The following SRGAP2 variants were observed in gnomAD, a reference collection of about 807,000 sequenced individuals.
SRGAP2 encodes the protein SLIT-ROBO Rho GTPase activating protein 2.
A neutral mutation model predicts 57.2 loss-of-function variants in SRGAP2; 15 were observed. The ratio of observed to expected loss-of-function variants is 0.26; its 90% confidence interval spans 0.18 to 0.40. The LOEUF is 0.40. SRGAP2 is among the 10% of genes least tolerant of loss of function. The pLI is 1.00. For synonymous variants in SRGAP2, 249 were observed against 248.0 expected, an observed-to-expected ratio of 1.00 and a Z score of -0.04; for missense variants, 520 against 669.6, an observed-to-expected ratio of 0.78 and a Z score of 2.47.
chr1:206,369,525 A>T (rs1248806331), intron 4 of SRGAP2, among the ~76,000 whole-genome samples: 3 of 152,226 alleles, frequency 2.0e-5, no homozygotes, highest in African/African-American at 7.2e-5. Context: ...TAATTTTCAG[A>T]ATATATAAAG....
chr1:206,314,123 T>G (rs1672890209), intron 3 of SRGAP2, among the ~76,000 whole-genome samples: 2 of 148,798 alleles, frequency 1.3e-5, no homozygotes, highest in African/African-American at 5.0e-5. Flanking sequence ...TTTTTTGTTG[T>G]TGTTGTTGTT....
rs183517840 is a variant in SRGAP2 at position 206,411,018 on chromosome 1, G to A, written c.1356+4444G>A. Among the ~76,000 whole-genome samples, 299 of 152,252 alleles carry A rather than the reference G, an allele frequency of 2.0e-3. 1 individual carries two copies. Among genetic ancestry groups the A allele is most frequent in the Non-Finnish European group, 3.1e-3 (211 of 68,012 alleles). On this transcript the variant is annotated intron_variant, in intron 10 of 22. Coordinates refer to ENST00000573034, the MANE Select transcript of SRGAP2 (RefSeq NM_015326.5). ...TGGGATTGCAGGCACACGCCACCACGCCTGGCTAATTTTTTGTATTTTTAG... is the reference window on the plus strand; with the variant it reads ...TGGGATTGCAGGCACACGCCACCACACCTGGCTAATTTTTTGTATTTTTAG...
At chr1:206,367,188 A>G (rs1654090508) in intron 4 of SRGAP2, among the ~76,000 whole-genome samples, 3 of 152,196 alleles carry the variant, frequency 2.0e-5, no homozygotes, top group African/African-American at 7.2e-5. Context: ...TGGAATCACA[A>G]CCTTTTCTGC....
At chr1:206,417,293 G>A (rs1204296140) in intron 11 of SRGAP2, among the ~76,000 whole-genome samples, 3 of 151,818 alleles carry the variant, frequency 2.0e-5, no homozygotes, top group African/African-American at 7.3e-5. Flanking sequence ...CAGTTGAGAT[G>A]GGGTTTTGCC....
intron 8 of SRGAP2, among the ~76,000 whole-genome samples, chr1:206,404,380 C>T (rs574461147): frequency 1.3e-4 from 20 of 152,318 alleles, no homozygotes; most frequent in Admixed American, 3.9e-4. Flanking sequence ...AGGAAGGAGA[C>T]CATTTCTATC....
chr1:206,420,829 A>G (rs890225176), intron 12 of SRGAP2, among the ~76,000 whole-genome samples: 4 of 152,218 alleles, frequency 2.6e-5, no homozygotes, highest in Non-Finnish European at 5.9e-5. Context: ...AGCGATCTTT[A>G]AGGATTTCCT....
intron 4 of SRGAP2, among the ~76,000 whole-genome samples, chr1:206,367,918 G>A (rs1428100762): frequency 4.2e-3 from 625 of 147,988 alleles, no homozygotes; most frequent in African/African-American, 0.016. Context: ...AGTGACAGGA[G>A]GAATGAAAAG....
chr1:206,347,517 C>T (rs1162593040), intron 4 of SRGAP2, among the ~76,000 whole-genome samples: 14 of 149,702 alleles, frequency 9.4e-5, no homozygotes, highest in Non-Finnish European at 2.1e-4. Context: ...GTGGAGGTTG[C>T]AGTGAGCAGA....
Position 206,428,240 on chromosome 1 carries a change from C to T in SRGAP2, c.1495-1922C>T, listed in dbSNP as rs1229657228. On this transcript the variant is annotated intron_variant, in intron 13 of 22. Coordinates refer to ENST00000573034, the MANE Select transcript of SRGAP2 (RefSeq NM_015326.5). ...GACCGTCCTGGCTAACACAATGAAA[C>T]CCTGTCTCTACTAAAAATACAAAAA... Among the ~76,000 whole-genome samples, 3 of 151,760 alleles carry T rather than the reference C, an allele frequency of 2.0e-5. No homozygotes were observed. In the East Asian group the frequency reaches 5.8e-4, roughly 29 times the overall value.
chr1:206,328,014 G>T (rs781945259), intron 3 of SRGAP2, among the ~76,000 whole-genome samples: 1,715 of 135,304 alleles, frequency 0.013, 10 homozygotes, highest in South Asian at 0.024. Context: ...GTGTCCATGT[G>T]ATCTCATTGT....
At chr1:206,372,960 CTTTCCTTTCTTTCTTT>C (rs1558358743) in intron 4 of SRGAP2, among the ~76,000 whole-genome samples, 1,299 of 17,976 alleles carry the variant, frequency 0.072, 184 homozygotes, top group East Asian at 0.096. Flanking sequence ...TCTTTCTTTT[CTTTCCTTTCTTTCTTT>C]CTTTCTTTCT....
chr1:206,292,819 C>T (rs1296636231), intron 2 of SRGAP2, among the ~76,000 whole-genome samples: 3 of 150,896 alleles, frequency 2.0e-5, no homozygotes, highest in African/African-American at 7.4e-5. Flanking sequence ...CTAGACTTGA[C>T]CTCTCCTGAG....
At chr1:206,417,053 T>C (rs1659787451) in intron 11 of SRGAP2, among the ~76,000 whole-genome samples, 1 of 152,254 alleles carries the variant, frequency 6.6e-6, no homozygotes, top group Middle Eastern at 3.4e-3. Context: ...CTGCCTTGGA[T>C]GATTTCCCAG....
intron 2 of SRGAP2, among the ~76,000 whole-genome samples, chr1:206,257,732 G>GACTATATATATACATATATATAT (rs1378596881): frequency 1.1e-4 from 12 of 109,874 alleles, no homozygotes; most frequent in African/African-American, 3.6e-4. Context: ...TAGGAAAGCA[G>GACTATATATATACATATATATAT]ACTATATATA....
Position 206,454,018 on chromosome 1 carries a change from A to G in SRGAP2, c.2360+638A>G, listed in dbSNP as rs1553377239. ...TTGGTTGATTCTCACACTTTGAAGC[A>G]GTTGTCCCGTGGGCCCACCCAAGCC... On this transcript the variant is annotated intron_variant, in intron 20 of 22. Transcript: ENST00000573034. This position sits in a 1 kb window ranked among gnomAD's most constrained non-coding sequence, Gnocchi z 4.3. 7.5e-6 allele frequency: 5 copies of G among 668,434 alleles called. No individual in the cohort carries two copies. The highest frequency in any genetic ancestry group is 1.4e-5 in the Non-Finnish European group (5 of 367,248). 41.4% of individuals were successfully genotyped at this position (668,434 alleles called of 1,614,324 possible).
chr1:206,394,728 C>A (rs1553352838), intron 7 of SRGAP2, among the ~76,000 whole-genome samples: 1 of 151,816 alleles, frequency 6.6e-6, no homozygotes, highest in African/African-American at 2.4e-5. Context: ...CAGGGATAAG[C>A]TTTTTGTTTT....
At chr1:206,249,832 T>G (rs1240066108) in intron 2 of SRGAP2, among the ~76,000 whole-genome samples, 39 of 149,972 alleles carry the variant, frequency 2.6e-4, no homozygotes, top group Non-Finnish European at 4.8e-4. Flanking sequence ...ATTTCCTATT[T>G]GATGTCTGAC....
chr1:206,256,779 A>T (rs1316645745), intron 2 of SRGAP2, among the ~76,000 whole-genome samples: 1 of 152,162 alleles, frequency 6.6e-6, no homozygotes, highest in Non-Finnish European at 1.5e-5. Context: ...AGTTATAAGC[A>T]TAGCCCTCAC....
In SRGAP2 at chr1:206,205,139, C is replaced by T. The variant is rs1434710521; in HGVS notation, c.-542-290C>T. 3 of 152,196 alleles carry T rather than the reference C, an allele frequency of 2.0e-5. 1 individual carries two copies. The highest frequency in any genetic ancestry group is 4.1e-4 in the South Asian group (2 of 4,828). 9.4% of individuals were successfully genotyped at this position (152,196 alleles called of 1,614,324 possible). On this transcript the variant is annotated intron_variant, in intron 1 of 22. Transcript: ENST00000573034. ...GCCGCTGCCCAGCGCTGGCGGGGCT[C>T]AGGAGGCCGCCGAGGTGCCGCAGTC...
Sources: allele counts gnomAD v4.1 joint callset (sites outside exome capture counted in the v4.1 genomes callset), GRCh38; gene constraint gnomAD v4.1.1; non-coding constraint Gnocchi (gnomAD v3.1); transcripts MANE v1.5; gene names NCBI Gene and HGNC (gene_info 2026-07-23, HGNC 2026-07-21).